Variants in CNTNAP2 observed in about 807,000 individuals in gnomAD.
The protein encoded by CNTNAP2 is contactin-associated protein-like 2.
In CNTNAP2, 98 loss-of-function variants were observed where a neutral mutation model predicts 155.2. That is an observed-to-expected ratio of 0.63 (90% CI 0.54 to 0.75). The LOEUF (loss-of-function observed/expected upper bound fraction) is 0.75, where lower values mean the gene tolerates loss of function less well. CNTNAP2 is among the 30% of genes least tolerant of loss of function. The pLI is 0.00. For missense variants in CNTNAP2, 1,727 were observed against 1,688.1 expected (o/e 1.02, Z -0.40); for synonymous variants, 651 against 631.2 (o/e 1.03, Z -0.47).
intron 13 of CNTNAP2, among the ~76,000 whole-genome samples, chr7:147,840,856 T>C (rs2116651211): frequency 6.6e-6 from 1 of 152,076 alleles, no homozygotes; most frequent in East Asian, 1.9e-4. Context: ...TCATAAATCT[T>C]CTCCAAAATC....
At position 148,306,146 on chromosome 7, in the gene CNTNAP2, T is replaced by A. The variant is rs574939160; in HGVS notation, c.3475+39020T>A. Among the ~76,000 whole-genome samples the A allele has an allele frequency of 5.2e-5, 8 of 152,394 alleles. No homozygotes were observed. The South Asian group carries it at 1.7e-3, about 32-fold the overall frequency. On this transcript the variant is annotated intron_variant, in intron 21 of 23. Transcript: ENST00000361727. The stretch of plus-strand genomic sequence containing the variant: ...TTCCCTTCACAAGTTTGAAGGAATT[T>A]GTCTATTGTCAATAGTATTGCTCTC...
At chr7:148,262,645 C>G (rs529122695) in intron 20 of CNTNAP2, among the ~76,000 whole-genome samples, 1 of 152,190 alleles carries the variant, frequency 6.6e-6, no homozygotes, top group East Asian at 1.9e-4. Context: ...CTATAAAGAC[C>G]CTGGTGGGGA....
intron 13 of CNTNAP2, among the ~76,000 whole-genome samples, chr7:147,837,240 G>A (rs201171476): frequency 4.9e-4 from 75 of 152,260 alleles, no homozygotes; most frequent in East Asian, 2.1e-3. Flanking sequence ...TGAAAGTCAC[G>A]TCTCACATGG....
chr7:146,208,495 T>A (rs1172406877), intron 1 of CNTNAP2, among the ~76,000 whole-genome samples: 1 of 152,008 alleles, frequency 6.6e-6, no homozygotes, highest in Non-Finnish European at 1.5e-5. Context: ...GATTTCTTGC[T>A]GATTAATAAA....
intron 1 of CNTNAP2, among the ~76,000 whole-genome samples, chr7:146,730,491 G>A (rs1232293267): frequency 2.0e-5 from 3 of 152,030 alleles, no homozygotes; most frequent in African/African-American, 7.2e-5. Context: ...TAACTTGATA[G>A]GCTTGTAATT....
rs189364192 is a variant in CNTNAP2 at position 146,857,014 on chromosome 7, A to G, written c.402+17110A>G. Among the ~76,000 whole-genome samples the G allele has an allele frequency of 3.2e-4, 49 of 152,294 alleles. No homozygotes were observed. The East Asian group carries it at 8.9e-3, about 28-fold the overall frequency. Reference sequence around the variant, plus strand: ...AGACATAATTGGGTCAATGGATAATATTGGGATATGGAAGGTTTATTCGAT... The same window carrying G: ...AGACATAATTGGGTCAATGGATAATGTTGGGATATGGAAGGTTTATTCGAT... On this transcript the variant is annotated intron_variant, in intron 3 of 23. Coordinates refer to ENST00000361727, the MANE Select transcript of CNTNAP2 (RefSeq NM_014141.6).
intron 1 of CNTNAP2, among the ~76,000 whole-genome samples, chr7:146,158,364 A>G (rs1047332036): frequency 6.6e-6 from 1 of 152,204 alleles, no homozygotes; most frequent in African/African-American, 2.4e-5. Flanking sequence ...CTTGCCAGCA[A>G]TGGGACAAAG....
chr7:146,595,651 C>A (rs1798848924), intron 1 of CNTNAP2, among the ~76,000 whole-genome samples: 1 of 152,054 alleles, frequency 6.6e-6, no homozygotes, highest in Non-Finnish European at 1.5e-5. Context: ...GCCAAGCAAG[C>A]ATTCCCTAAA....
chr7:147,486,083 A>G, intron 11 of CNTNAP2, 42 bp downstream of exon 11: 1 of 1,529,914 alleles, frequency 6.5e-7, no homozygotes, highest in Non-Finnish European at 9.1e-7. Context: ...TAATTGCATG[A>G]GAATCTCAAG....
chr7:147,640,356 C>T (rs1005023212), intron 13 of CNTNAP2, among the ~76,000 whole-genome samples: 13 of 152,038 alleles, frequency 8.6e-5, no homozygotes, highest in Admixed American at 2.0e-4. Context: ...CAGTTTCCAG[C>T]GACTTTTTCT....
intron 1 of CNTNAP2, among the ~76,000 whole-genome samples, chr7:146,601,983 G>A (rs1161170945): frequency 6.6e-6 from 1 of 152,020 alleles, no homozygotes; most frequent in African/African-American, 2.4e-5. Context: ...GAACCCAAAT[G>A]GATGTACAAA....
At position 146,778,548 on chromosome 7, in the gene CNTNAP2, G is replaced by A. The variant is rs151009156; in HGVS notation, c.208+4167G>A. 8.2e-3 allele frequency among the ~76,000 whole-genome samples: 1,241 copies of A among 152,108 alleles called. 8 individuals are homozygous for A. Among genetic ancestry groups the A allele is most frequent in the Non-Finnish European group, 0.012 (824 of 68,002 alleles). On this transcript the variant is annotated intron_variant, in intron 2 of 23. Transcript: ENST00000361727. ...TTTATCCCCACATTTTTAATCCATC[G>A]AAGGCTTCCCAGTCTTGTGTCATTC...
At chr7:146,674,163 C>A (rs1243955783) in intron 1 of CNTNAP2, among the ~76,000 whole-genome samples, 1 of 152,070 alleles carries the variant, frequency 6.6e-6, no homozygotes, top group East Asian at 1.9e-4. Context: ...GACCAAGATT[C>A]AAAGGAAACT....
intron 15 of CNTNAP2, among the ~76,000 whole-genome samples, chr7:148,054,330 G>A (rs1044180098): frequency 4.0e-5 from 6 of 151,568 alleles, no homozygotes; most frequent in East Asian, 1.9e-4. Context: ...GAGCTTCCTC[G>A]TCTGTAAAAT....
At chr7:146,172,055 T>G (rs1798401035) in intron 1 of CNTNAP2, among the ~76,000 whole-genome samples, 1 of 132,742 alleles carries the variant, frequency 7.5e-6, no homozygotes, top group East Asian at 2.0e-4. Context: ...TTTTTTTTTT[T>G]TGCTTATGAT....
chr7:147,342,315 T>C (rs902010409), intron 9 of CNTNAP2, among the ~76,000 whole-genome samples: 1 of 149,658 alleles, frequency 6.7e-6, no homozygotes, highest in Admixed American at 6.8e-5. Context: ...TTTAAAGACA[T>C]ATATTTGAGT....
chr7:148,009,403 A>C (rs1220825320), intron 15 of CNTNAP2, among the ~76,000 whole-genome samples: 1 of 152,212 alleles, frequency 6.6e-6, no homozygotes, highest in African/African-American at 2.4e-5. Flanking sequence ...GCAAACTGTC[A>C]TAAGTCAGGG....
At chr7:146,252,069 A>C (rs968819107) in intron 1 of CNTNAP2, among the ~76,000 whole-genome samples, 1 of 152,178 alleles carries the variant, frequency 6.6e-6, no homozygotes, top group Admixed American at 6.5e-5. Flanking sequence ...AGCAGCCACT[A>C]TCCTGCAGTT....
At chr7:146,237,130 A>G (rs1311439288) in intron 1 of CNTNAP2, among the ~76,000 whole-genome samples, 1 of 152,238 alleles carries the variant, frequency 6.6e-6, no homozygotes, top group Non-Finnish European at 1.5e-5. Context: ...TTGTTCCAAC[A>G]TAGCAGCCAT....
Sources: allele counts gnomAD v4.1 joint callset (sites outside exome capture counted in the v4.1 genomes callset), GRCh38; gene constraint gnomAD v4.1.1; transcripts MANE v1.5; gene names NCBI Gene and HGNC (gene_info 2026-07-23, HGNC 2026-07-21).